Variants in MROH1 observed in about 807,000 individuals in gnomAD.
MROH1 encodes maestro heat-like repeat-containing protein family member 1.
In MROH1, 117 loss-of-function variants were observed where a neutral mutation model predicts 116.5. The observed-to-expected ratio is 1.00, with a 90% CI of 0.86 to 1.17. The LOEUF (loss-of-function observed/expected upper bound fraction) is 1.17, where lower values mean the gene tolerates loss of function less well. Ranked by LOEUF, MROH1 falls within the 50% of genes most tolerant of loss-of-function variation. MROH1 has a pLI of 0.00. For synonymous variants in MROH1, 921 were observed against 583.9 expected, an observed-to-expected ratio of 1.58 and a Z score of -8.32; for missense variants, 1,873 against 1,338.5, an observed-to-expected ratio of 1.40 and a Z score of -6.23.
At chr8:144,249,895 C>T (rs1292241486) in intron 32 of MROH1, among the ~76,000 whole-genome samples, 1 of 152,218 alleles carries the variant, frequency 6.6e-6, no homozygotes, top group Non-Finnish European at 1.5e-5. Context: ...GCTGTGAGGG[C>T]ATGGGGCCGC....
chr8:144,194,972 A>T (rs112960857), intron 10 of MROH1, among the ~76,000 whole-genome samples: 3,037 of 151,868 alleles, frequency 0.02, 87 homozygotes, highest in African/African-American at 0.068. Flanking sequence ...AGCCAAGAAC[A>T]TTTTTCTACA....
At position 144,261,867 on chromosome 8, in the gene MROH1, C is replaced by A; in HGVS notation, c.*127C>A. 1.5e-6 allele frequency: 1 copy of A among 685,640 alleles called. No homozygotes were observed. The highest frequency in any genetic ancestry group is 1.5e-5 in the South Asian group (1 of 65,056). 42.5% of individuals were successfully genotyped at this position (685,640 alleles called of 1,614,324 possible). A position where few individuals can be genotyped will look rare whatever the true frequency, so the allele number is the denominator to read the frequency against. On this transcript the variant is annotated 3_prime_UTR_variant, in exon 44 of 44. Coordinates refer to ENST00000326134, the MANE Select transcript of MROH1 (RefSeq NM_032450.3). ...GGGCCTGGCCCCAGAACAGGCACTGCTGGGGACCAAACCCAAGCCCTTCAG... is the reference window on the plus strand; with the variant it reads ...GGGCCTGGCCCCAGAACAGGCACTGATGGGGACCAAACCCAAGCCCTTCAG...
intron 12 of MROH1, among the ~76,000 whole-genome samples, chr8:144,204,443 AG>A (rs1832394189): frequency 6.6e-6 from 1 of 152,198 alleles, no homozygotes; most frequent in South Asian, 2.1e-4. Context: ...TTTTATTTGA[AG>A]TATAATACAC....
intron 29 of MROH1, 100 bp from the exon 30 acceptor site, chr8:144,247,201 G>A (rs1315924173): frequency 1.4e-6 from 1 of 697,976 alleles, no homozygotes; most frequent in Non-Finnish European, 2.6e-6. Context: ...GACACCAGCA[G>A]CACTCCTGGC....
chr8:144,209,448 C>T (rs1447962896), intron 12 of MROH1, among the ~76,000 whole-genome samples: 8 of 151,628 alleles, frequency 5.3e-5, no homozygotes, highest in East Asian at 1.9e-4. Flanking sequence ...GGCGTGGTGG[C>T]GGGCGCCTGT....
chr8:144,256,051 A>G (rs1002135487), intron 35 of MROH1, among the ~76,000 whole-genome samples: 5 of 152,178 alleles, frequency 3.3e-5, no homozygotes, highest in African/African-American at 9.7e-5. Flanking sequence ...TCTTTGGGGT[A>G]TAGGCTGGGG....
At chr8:144,221,843 G>T (rs1356691882) in intron 13 of MROH1, among the ~76,000 whole-genome samples, 1 of 152,184 alleles carries the variant, frequency 6.6e-6, no homozygotes, top group East Asian at 1.9e-4. Flanking sequence ...CCTCCTCGGG[G>T]TGGGGATGCT....
At chr8:144,224,496 G>C (rs1485131861) in intron 14 of MROH1, among the ~76,000 whole-genome samples, 1 of 151,978 alleles carries the variant, frequency 6.6e-6, no homozygotes, top group Non-Finnish European at 1.5e-5. Flanking sequence ...GAACTCTTGA[G>C]GTCAAGCAAC....
intron 3 of MROH1, among the ~76,000 whole-genome samples, chr8:144,167,495 TAG>T: frequency 1.1e-5 from 1 of 89,956 alleles, no homozygotes; most frequent in South Asian, 3.9e-4. Context: ...GGTTGTTGGG[TAG>T]AGTGGCCGGT....
At chr8:144,253,416 G>C (rs1444066551) in intron 33 of MROH1, among the ~76,000 whole-genome samples, 5 of 152,218 alleles carry the variant, frequency 3.3e-5, no homozygotes, top group Non-Finnish European at 5.9e-5. Context: ...CGGCCCCCAA[G>C]GCCTGAGCCA....
rs371618750 is a variant in MROH1, at chr8:144,180,353, C to T, written c.463+13C>T. On this transcript the variant is annotated intron_variant, in intron 6 of 43. Transcript: ENST00000326134. This position sits in a 1 kb window ranked among gnomAD's most constrained non-coding sequence, Gnocchi z 7.4. ...TCGGTGGCCAACGGTAGGTGACGCG[C>T]GGCCTGCCCCAGGAGGAGCACGGGG... is the stretch of plus-strand genomic sequence containing the variant. The T allele has an allele frequency of 6.4e-5, 103 of 1,606,422 alleles. No individual in the cohort carries two copies. The highest frequency in any genetic ancestry group is 3.3e-4 in the African/African-American group (25 of 74,760).
intron 37 of MROH1, 100 bp downstream of exon 37, chr8:144,259,454 C>A: frequency 1.4e-6 from 1 of 703,278 alleles, no homozygotes; most frequent in South Asian, 1.5e-5. Context: ...CCCCCTCGAC[C>A]GTGGTCTGTG....
At chr8:144,162,086 T>TTTC (rs1819675268) in intron 2 of MROH1, among the ~76,000 whole-genome samples, 1 of 123,502 alleles carries the variant, frequency 8.1e-6, no homozygotes, top group African/African-American at 5.0e-5. Flanking sequence ...TTTCTTTTCT[T>TTTC]TTTTTTTTTT....
intron 12 of MROH1, among the ~76,000 whole-genome samples, chr8:144,202,165 G>A (rs1722465343): frequency 6.6e-6 from 1 of 152,186 alleles, no homozygotes; most frequent in South Asian, 2.1e-4. Flanking sequence ...GCAGCCTGAA[G>A]TCCTGCTGCT....
chr8:144,245,140 C>T lies in MROH1; in HGVS notation c.2767-16C>T, dbSNP rs1025956596. ...TGCCCTCTGAGCAGTACCTGTGTGACGCCCCTCTTCCTCAGCACCTGAGCC... is the reference window on the plus strand; with the variant it reads ...TGCCCTCTGAGCAGTACCTGTGTGATGCCCCTCTTCCTCAGCACCTGAGCC... On this transcript the variant is annotated splice_polypyrimidine_tract_variant and intron_variant, in intron 28 of 43. Transcript: ENST00000326134. 1.8e-5 allele frequency: 14 copies of T among 778,746 alleles called. No individual in the cohort carries two copies. The Middle Eastern group carries it at 1.6e-3, about 90-fold the overall frequency. 48.2% of individuals were successfully genotyped at this position (778,746 alleles called of 1,614,324 possible). A position where few individuals can be genotyped will look rare whatever the true frequency, so the allele number is the denominator to read the frequency against.
intron 14 of MROH1, among the ~76,000 whole-genome samples, chr8:144,236,196 G>A (rs1840006982): frequency 6.6e-6 from 1 of 152,156 alleles, no homozygotes; most frequent in Non-Finnish European, 1.5e-5. Context: ...CAGGTATGGT[G>A]GTGTTTTCTC....
At position 144,243,607 on chromosome 8, in the gene MROH1, A is replaced by G; in HGVS notation, c.2466A>G (p.Ala822=). Residue 822 remains alanine (A), a synonymous_variant, in exon 25 of 44, where the codon GCA becomes GCG. Transcript: ENST00000326134. The part of the protein sequence containing the change: ...FHFTRKAELV[A]QMMEFIRAEP... The stretch of plus-strand genomic sequence containing the variant: ...TCACCCGGAAAGCAGAGCTGGTGGC[A>G]CAGATGATGGTGAGCGTGGCCGTGG... 1 of 779,696 alleles carries G rather than the reference A, an allele frequency of 1.3e-6. No individual in the cohort carries two copies. The highest frequency in any genetic ancestry group is 2.4e-6 in the Non-Finnish European group (1 of 417,822). The allele number at this position is 779,696 out of a possible 1,614,324, so 48.3% of individuals were successfully genotyped here. A position where few individuals can be genotyped will look rare whatever the true frequency, so the allele number is the denominator to read the frequency against.
Position 144,241,389 on chromosome 8 carries a change from C to T in MROH1, c.2056-6C>T, listed in dbSNP as rs2132917667. 1.3e-6 allele frequency: 1 copy of T among 773,012 alleles called. No homozygotes were observed. Among genetic ancestry groups the T allele is most frequent in the Non-Finnish European group, 2.4e-6 (1 of 415,042 alleles). The allele number at this position is 773,012 out of a possible 1,614,324, so 47.9% of individuals were successfully genotyped here. ...CCCTGCCCGGGGTAAGTGTGCTGCC[C>T]CCCAGGGCCTCGCCTGCTGCTTCGG... On this transcript the variant is annotated splice_polypyrimidine_tract_variant and splice_region_variant and intron_variant, in intron 21 of 43. Coordinates refer to ENST00000326134, the MANE Select transcript of MROH1 (RefSeq NM_032450.3).
chr8:144,236,801 A>G (rs988913213), intron 14 of MROH1, among the ~76,000 whole-genome samples: 35 of 151,064 alleles, frequency 2.3e-4, no homozygotes, highest in African/African-American at 8.5e-4. Context: ...AGTCAACATC[A>G]ATTGTTTTTA....
Sources: gnomAD v4.1 joint callset for allele counts (sites outside exome capture counted in the v4.1 genomes callset) on GRCh38, gnomAD v4.1.1 for gene constraint, Gnocchi (gnomAD v3.1) non-coding constraint, MANE v1.5 for transcripts, NCBI Gene and HGNC (gene_info 2026-07-23, HGNC 2026-07-21) for gene names.